Variants in FAM135A observed in about 807,000 individuals in gnomAD.
The protein encoded by FAM135A is family with sequence similarity 135 member A, also known as protein FAM135A.
Under a neutral mutation model 146.8 loss-of-function variants are expected in FAM135A, and 79 were observed. That is an observed-to-expected ratio of 0.54 (90% CI 0.45 to 0.65). The LOEUF (loss-of-function observed/expected upper bound fraction) is 0.65. Among genes scored for constraint, FAM135A ranks in the 30% least tolerant of loss-of-function variants. FAM135A has a pLI of 0.00. For missense variants in FAM135A, 1,623 were observed against 1,758.2 expected (o/e 0.92, Z 1.38); for synonymous variants, 562 against 603.6 (o/e 0.93, Z 1.01).
intron 5 of FAM135A, among the ~76,000 whole-genome samples, chr6:70,455,027 GCC>G (rs1778015076): frequency 6.6e-6 from 1 of 152,046 alleles, no homozygotes; most frequent in Non-Finnish European, 1.5e-5. Context: ...GGGCAGTATG[GCC>G]ATTTTCACAA....
At chr6:70,447,796 A>T (rs1776122873) in intron 4 of FAM135A, among the ~76,000 whole-genome samples, 1 of 151,832 alleles carries the variant, frequency 6.6e-6, no homozygotes, top group Non-Finnish European at 1.5e-5. Flanking sequence ...TGACTCGCTG[A>T]TTTTTTCTAC....
chr6:70,463,726 C>G (rs1779863312), intron 5 of FAM135A, among the ~76,000 whole-genome samples: 1 of 152,234 alleles, frequency 6.6e-6, no homozygotes, highest in East Asian at 1.9e-4. Flanking sequence ...TGTCACTAAT[C>G]CTTTACTGTT....
At chr6:70,418,977 A>C (rs1768161885) in intron 2 of FAM135A, among the ~76,000 whole-genome samples, 1 of 152,252 alleles carries the variant, frequency 6.6e-6, no homozygotes, top group Non-Finnish European at 1.5e-5. Context: ...TCTGTGCTAT[A>C]GGTGACTGGG....
intron 11 of FAM135A, among the ~76,000 whole-genome samples, chr6:70,499,552 G>A (rs1252479141): frequency 6.6e-6 from 1 of 152,144 alleles, no homozygotes; most frequent in Non-Finnish European, 1.5e-5. Context: ...TTGCCCATTA[G>A]TCAATGCTGT....
intron 16 of FAM135A, among the ~76,000 whole-genome samples, chr6:70,529,755 C>A (rs1582786013): frequency 6.6e-6 from 1 of 152,032 alleles, no homozygotes; most frequent in Admixed American, 6.6e-5. Flanking sequence ...AAACAGTAGA[C>A]CAGTCTGACA....
chr6:70,519,090 T>C (rs1301312012), intron 12 of FAM135A, among the ~76,000 whole-genome samples: 2 of 152,182 alleles, frequency 1.3e-5, no homozygotes, highest in Non-Finnish European at 2.9e-5. Flanking sequence ...CATTCATGAT[T>C]CAAGGAAGGA....
At position 70,533,220 on chromosome 6, in the gene FAM135A, G is replaced by T; in HGVS notation, c.3836G>T (p.Arg1279Ile). 1 of 1,613,276 alleles carries T rather than the reference G, an allele frequency of 6.2e-7. No individual in the cohort carries two copies. The highest frequency in any genetic ancestry group is 8.5e-7 in the Non-Finnish European group (1 of 1,179,574). ...ATTGAACTTGGATTGCCTGGGGGAA[G>T]AATTGATTTTCTTATGTCTGAGAGA... ...TYIELGLPGG[R>I]IDFLMSERNQ... The change falls in exon 17 of 22, where the codon AGA (arginine) becomes ATA (isoleucine). Residue 1279 changes from arginine (R) to isoleucine (I), a missense_variant. Arg to Ile is a moderately conservative substitution (Grantham distance 97). This residue lies in a region of FAM135A where 1,061 missense variants were observed against 1,113.8 expected (regional missense o/e 0.95). Transcript: ENST00000418814.
At chr6:70,497,310 T>C (rs1787511380) in intron 11 of FAM135A, among the ~76,000 whole-genome samples, 1 of 152,170 alleles carries the variant, frequency 6.6e-6, no homozygotes. Context: ...CTATTATTGG[T>C]GTATAGGAAT....
At chr6:70,433,794 G>T (rs910252851) in intron 4 of FAM135A, among the ~76,000 whole-genome samples, 4 of 152,120 alleles carry the variant, frequency 2.6e-5, no homozygotes, top group Non-Finnish European at 5.9e-5. Context: ...GTTAAAAAAA[G>T]TTATTTTAAA....
intron 16 of FAM135A, among the ~76,000 whole-genome samples, chr6:70,530,012 T>A (rs1795496392): frequency 6.6e-6 from 1 of 151,920 alleles, no homozygotes; most frequent in Admixed American, 6.6e-5. Context: ...TGCGGTGAGC[T>A]GAGATCGCGC....
chr6:70,519,441 T>C (rs1265350962), intron 12 of FAM135A, among the ~76,000 whole-genome samples: 3 of 152,232 alleles, frequency 2.0e-5, no homozygotes, highest in Non-Finnish European at 2.9e-5. Context: ...GTCAAGAGGA[T>C]TGACTCAATT....
intron 16 of FAM135A, among the ~76,000 whole-genome samples, chr6:70,531,371 A>G (rs1281674729): frequency 1.3e-5 from 2 of 152,224 alleles, no homozygotes; most frequent in African/African-American, 2.4e-5. Context: ...TGGTAAAGCC[A>G]TGTTTCATTT....
intron 4 of FAM135A, among the ~76,000 whole-genome samples, chr6:70,451,083 G>A (rs1165991997): frequency 6.6e-6 from 1 of 152,022 alleles, no homozygotes; most frequent in Non-Finnish European, 1.5e-5. Flanking sequence ...ACTATTCAGA[G>A]TATTTTGTGG....
rs1007145602 is a variant in FAM135A at position 70,475,287 on chromosome 6, G to A, written c.158-123G>A. 5 of 736,342 alleles carry A rather than the reference G, an allele frequency of 6.8e-6. No individual in the cohort carries two copies. The Admixed American group carries it at 1.1e-4, about 16-fold the overall frequency. 45.6% of individuals were successfully genotyped at this position (736,342 alleles called of 1,614,324 possible). On this transcript the variant is annotated intron_variant, in intron 5 of 21. Transcript: ENST00000418814. ...CTTTCAGAAATGTTCCAATACTGCA[G>A]TATAAATTGATAATGACACTATAGT...
At chr6:70,491,212 A>G (rs1399046690) in intron 11 of FAM135A, 129 bp downstream of exon 11, 10 of 728,688 alleles carry the variant, frequency 1.4e-5, no homozygotes, top group East Asian at 3.1e-5. Flanking sequence ...ATGGTTGATC[A>G]TGGTAGAACC....
chr6:70,498,444 T>G (rs139518271), intron 11 of FAM135A, among the ~76,000 whole-genome samples: 1 of 152,356 alleles, frequency 6.6e-6, no homozygotes, highest in East Asian at 1.9e-4. Flanking sequence ...ATTCATTGAT[T>G]TTCTTAAAGG....
At chr6:70,513,029 A>G (rs907483168) in intron 12 of FAM135A, among the ~76,000 whole-genome samples, 1 of 151,568 alleles carries the variant, frequency 6.6e-6, no homozygotes, top group African/African-American at 2.4e-5. Context: ...TATTGAAAAC[A>G]CTTTTCTGAC....
intron 12 of FAM135A, chr6:70,504,396 G>C (rs1789244015): frequency 6.6e-6 from 1 of 151,904 alleles, no homozygotes; most frequent in Admixed American, 6.6e-5. Flanking sequence ...CTCATTTCAT[G>C]GTTTATTATT....
At chr6:70,425,976 G>T (rs886615811) in intron 2 of FAM135A, among the ~76,000 whole-genome samples, 1 of 151,974 alleles carries the variant, frequency 6.6e-6, no homozygotes, top group Non-Finnish European at 1.5e-5. Flanking sequence ...GGTGGCGGGC[G>T]CCTGTAGTCC....
Sources: gnomAD v4.1 joint callset for allele counts (sites outside exome capture counted in the v4.1 genomes callset) on GRCh38, gnomAD v4.1.1 for gene constraint, gnomAD v4.1.1 regional missense constraint, MANE v1.5 for transcripts, NCBI Gene and HGNC (gene_info 2026-07-23, HGNC 2026-07-21) for gene names.